Variants in RARB observed in about 807,000 individuals in gnomAD.
RARB encodes the protein retinoic acid receptor beta.
RARB carries 17 observed loss-of-function variants against 51.9 expected under a neutral mutation model. That is an observed-to-expected ratio of 0.33 (90% CI 0.22 to 0.49). The LOEUF (loss-of-function observed/expected upper bound fraction) is 0.49, where lower values mean the gene tolerates loss of function less well. Ranked by LOEUF, RARB falls within the 20% of genes least tolerant of loss-of-function variation. RARB has a pLI of 0.99. For missense variants in RARB, 369 were observed against 550.8 expected (o/e 0.67, Z 3.30); for synonymous variants, 215 against 195.4 (o/e 1.10, Z -0.84).
chr3:24,934,991 C>T lies in RARB; in HGVS notation c.-380+76239C>T, dbSNP rs759540524. Among the ~76,000 whole-genome samples, 11 of 152,096 alleles carry T rather than the reference C, an allele frequency of 7.2e-5. No homozygotes were observed. In the South Asian group the frequency reaches 1.0e-3, roughly 14 times the overall value. On this transcript the variant is annotated intron_variant, in intron 2 of 11. Transcript: ENST00000383772. ...CACCCTAAAGACTTGAAGTGTTTAA[C>T]GAACCCTATCATGTGGTACTATAAT...
chr3:24,927,682 T>C (rs1245156815), intron 2 of RARB, among the ~76,000 whole-genome samples: 1 of 152,120 alleles, frequency 6.6e-6, no homozygotes, highest in East Asian at 1.9e-4. Context: ...TTACTCATAA[T>C]TGATCAGCGT....
intron 1 of RARB, among the ~76,000 whole-genome samples, chr3:25,448,612 CAT>C: frequency 1.3e-5 from 2 of 152,134 alleles, no homozygotes; most frequent in African/African-American, 4.8e-5. Flanking sequence ...GGATTGCAGG[CAT>C]GCACCACCAC....
intron 2 of RARB, among the ~76,000 whole-genome samples, chr3:24,919,041 T>C (rs1695163709): frequency 6.6e-6 from 1 of 152,190 alleles, no homozygotes; most frequent in African/African-American, 2.4e-5. Context: ...CTCTCAGTGA[T>C]TTATTTTACT....
chr3:24,831,812 T>C (rs9818530), intron 1 of RARB, among the ~76,000 whole-genome samples: 11,783 of 152,228 alleles, frequency 0.077, 484 homozygotes, highest in African/African-American at 0.11. Flanking sequence ...AATTAGGAGA[T>C]GGACAGACCC....
chr3:24,829,778 A>C (rs1212814243), intron 1 of RARB, among the ~76,000 whole-genome samples: 1 of 152,172 alleles, frequency 6.6e-6, no homozygotes, highest in Non-Finnish European at 1.5e-5. Context: ...GTCGCTGGCA[A>C]GTTGCACCTG....
At chr3:24,996,973 T>A (rs1697053502) in intron 2 of RARB, among the ~76,000 whole-genome samples, 1 of 152,200 alleles carries the variant, frequency 6.6e-6, no homozygotes, top group Non-Finnish European at 1.5e-5. Flanking sequence ...TTTAGGTCCA[T>A]TTGGTCTATA....
chr3:25,481,988 C>T (rs754039613), intron 2 of RARB, among the ~76,000 whole-genome samples: 17 of 152,126 alleles, frequency 1.1e-4, no homozygotes, highest in African/African-American at 1.9e-4. Flanking sequence ...TGTAACTTGT[C>T]TGAGATCACA....
At chr3:25,193,344 G>A (rs1701148896) in intron 5 of RARB, among the ~76,000 whole-genome samples, 1 of 151,962 alleles carries the variant, frequency 6.6e-6, no homozygotes, top group African/African-American at 2.4e-5. Flanking sequence ...TTCCAATGCA[G>A]AGGAAGTCTG....
chr3:25,381,896 C>T (rs1031601922), intron 5 of RARB, among the ~76,000 whole-genome samples: 3 of 152,242 alleles, frequency 2.0e-5, no homozygotes, highest in African/African-American at 7.2e-5. Flanking sequence ...GTGTGGATAT[C>T]CCCTCTCTAC....
intron 5 of RARB, among the ~76,000 whole-genome samples, chr3:25,299,342 C>CA (rs1703987258): frequency 6.6e-6 from 1 of 152,126 alleles, no homozygotes; most frequent in South Asian, 2.1e-4. Context: ...GGACTACAGG[C>CA]ATGCACCACC....
intron 1 of RARB, among the ~76,000 whole-genome samples, chr3:24,843,094 A>G (rs1424089393): frequency 6.6e-6 from 1 of 152,224 alleles, no homozygotes; most frequent in Non-Finnish European, 1.5e-5. Context: ...AAACCAGTGA[A>G]TACAGTATTT....
At chr3:25,409,480 A>G (rs1242830689) in intron 5 of RARB, among the ~76,000 whole-genome samples, 2 of 152,174 alleles carry the variant, frequency 1.3e-5, no homozygotes, top group Non-Finnish European at 2.9e-5. Context: ...TTAACTCTGT[A>G]GTGCCATAGG....
chr3:25,484,513 C>T (rs539849915), intron 2 of RARB, among the ~76,000 whole-genome samples: 3 of 151,738 alleles, frequency 2.0e-5, no homozygotes, highest in South Asian at 4.2e-4. Context: ...TAGGCTAAAC[C>T]GGGTCTGCTG....
At chr3:25,217,781 A>G (rs1419297796) in intron 5 of RARB, among the ~76,000 whole-genome samples, 1 of 152,206 alleles carries the variant, frequency 6.6e-6, no homozygotes, top group African/African-American at 2.4e-5. Flanking sequence ...CAGAGTAGGC[A>G]TTCAGTACAA....
At chr3:24,884,485 G>A (rs942650868) in intron 2 of RARB, among the ~76,000 whole-genome samples, 1 of 151,970 alleles carries the variant, frequency 6.6e-6, no homozygotes, top group Admixed American at 6.6e-5. Context: ...AAGTTGCATA[G>A]CACAGATTTT....
intron 1 of RARB, among the ~76,000 whole-genome samples, chr3:24,833,672 CAG>C (rs2125327010): frequency 6.6e-6 from 1 of 152,336 alleles, no homozygotes; most frequent in East Asian, 1.9e-4. Flanking sequence ...GGGGAAATGA[CAG>C]TACCATACTA....
chr3:25,430,953 A>ATTT (rs147662338), intron 1 of RARB, among the ~76,000 whole-genome samples: 2 of 110,048 alleles, frequency 1.8e-5, no homozygotes, highest in Non-Finnish European at 1.9e-5. Context: ...TGTTCCAACG[A>ATTT]TTTTTTTTTT....
chr3:25,174,764 A>G (rs905340776), intron 5 of RARB, among the ~76,000 whole-genome samples: 1 of 152,228 alleles, frequency 6.6e-6, no homozygotes, highest in Non-Finnish European at 1.5e-5. Context: ...CAAATTTTAG[A>G]ATTCAACCCG....
At chr3:25,450,309 T>C (rs548542808) in intron 1 of RARB, among the ~76,000 whole-genome samples, 1 of 152,330 alleles carries the variant, frequency 6.6e-6, no homozygotes, top group South Asian at 2.1e-4. Flanking sequence ...TTTCTAATAA[T>C]AAAGCATTAG....
Sources: allele counts gnomAD v4.1 joint callset (sites outside exome capture counted in the v4.1 genomes callset), GRCh38; gene constraint gnomAD v4.1.1; transcripts MANE v1.5; gene names NCBI Gene and HGNC (gene_info 2026-07-23, HGNC 2026-07-21).